Variants in CLEC16A observed in about 807,000 individuals in gnomAD.
CLEC16A encodes C-type lectin domain containing 16A, also known as protein CLEC16A.
Under a neutral mutation model 109.5 loss-of-function variants are expected in CLEC16A, and 51 were observed. That is an observed-to-expected ratio of 0.47 (90% CI 0.37 to 0.59). CLEC16A has a LOEUF of 0.59. Ranked by LOEUF, CLEC16A falls within the 20% of genes least tolerant of loss-of-function variation. The pLI is 0.00. For missense variants in CLEC16A, 1,339 were observed against 1,394.0 expected (o/e 0.96, Z 0.63); for synonymous variants, 673 against 564.2 (o/e 1.19, Z -2.73).
In CLEC16A at chr16:11,179,878, T is replaced by G. The variant is rs2068904872; in HGVS notation, c.*1188T>G. The stretch of plus-strand genomic sequence containing the variant: ...GGTTCCCTTCCCCATTCGGACTGGG[T>G]GTGTACAAGCAAGGACCCAGATGCA... On this transcript the variant is annotated 3_prime_UTR_variant, in exon 24 of 24. Transcript: ENST00000409790. The G allele has an allele frequency of 6.6e-6, 1 of 152,292 alleles. No individual in the cohort carries two copies. Among genetic ancestry groups the G allele is most frequent in the Non-Finnish European group, 1.5e-5 (1 of 68,154 alleles). The allele number at this position is 152,292 out of a possible 1,614,324, so 9.4% of individuals were successfully genotyped here.
intron 10 of CLEC16A, among the ~76,000 whole-genome samples, chr16:10,986,355 A>T (rs570393719): frequency 6.3e-4 from 94 of 149,552 alleles, no homozygotes; most frequent in East Asian, 2.0e-4. Flanking sequence ...AGAACACAAC[A>T]TGAGATCTAC....
At chr16:11,098,520 G>T (rs918843147) in intron 19 of CLEC16A, among the ~76,000 whole-genome samples, 3 of 152,204 alleles carry the variant, frequency 2.0e-5, no homozygotes, top group African/African-American at 7.2e-5. Flanking sequence ...GAGCGTGAGG[G>T]CGTTAGTGTG....
Position 10,944,810 on chromosome 16 carries a change from G to T in CLEC16A, c.80+13G>T. On this transcript the variant is annotated intron_variant, in intron 1 of 23. Transcript: ENST00000409790. ...TGGACCACCTCAAGTGAGTGTGGGG[G>T]GCGTAGCGGGAGGCCTCGGGGCTGG... is the stretch of plus-strand genomic sequence containing the variant. The T allele has an allele frequency of 6.3e-7, 1 of 1,596,564 alleles. No individual in the cohort carries two copies. The highest frequency in any genetic ancestry group is 2.3e-5 in the East Asian group (1 of 44,414).
At chr16:11,177,375 C>T (rs931555952) in intron 23 of CLEC16A, among the ~76,000 whole-genome samples, 5 of 151,972 alleles carry the variant, frequency 3.3e-5, no homozygotes, top group Admixed American at 1.3e-4. Context: ...CCGAGGCGGG[C>T]GGATCACTTG....
chr16:11,124,332 C>T (rs1330744432), intron 21 of CLEC16A, among the ~76,000 whole-genome samples: 1 of 152,188 alleles, frequency 6.6e-6, no homozygotes, highest in Non-Finnish European at 1.5e-5. Flanking sequence ...GCCCATTTTA[C>T]GGAGAAGGAA....
At chr16:11,018,748 CAAAAA>C (rs56911220) in intron 11 of CLEC16A, among the ~76,000 whole-genome samples, 10 of 96,280 alleles carry the variant, frequency 1.0e-4, no homozygotes, top group Non-Finnish European at 1.8e-4. Flanking sequence ...GACTCCATCT[CAAAAA>C]AAAAAAAAAA....
intron 7 of CLEC16A, among the ~76,000 whole-genome samples, chr16:10,973,712 G>T (rs2042902568): frequency 6.6e-6 from 1 of 151,520 alleles, no homozygotes; most frequent in Non-Finnish European, 1.5e-5. Context: ...AAGACCACCA[G>T]GCCTGTGCCA....
chr16:11,016,932 A>G (rs1026886276), intron 11 of CLEC16A, among the ~76,000 whole-genome samples: 1 of 137,950 alleles, frequency 7.2e-6, no homozygotes, highest in Non-Finnish European at 1.5e-5. Flanking sequence ...ACTTCAGATC[A>G]GATGGGAGGG....
chr16:11,166,955 A>G (rs1293423533), intron 23 of CLEC16A, among the ~76,000 whole-genome samples: 2 of 152,090 alleles, frequency 1.3e-5, no homozygotes, highest in Non-Finnish European at 2.9e-5. Flanking sequence ...CCTCTGTAAC[A>G]TACCAGTTTT....
At chr16:11,109,169 C>CT (rs35252592) in intron 19 of CLEC16A, among the ~76,000 whole-genome samples, 3,556 of 133,120 alleles carry the variant, frequency 0.027, 99 homozygotes, top group African/African-American at 0.075. Flanking sequence ...ACAGCCCTGA[C>CT]TTTTTTTTTT....
rs916680839 is a variant in CLEC16A, at chr16:11,174,604, C to T, written c.2807-3731C>T. Among the ~76,000 whole-genome samples the T allele has an allele frequency of 6.6e-6, 1 of 152,248 alleles. No individual in the cohort carries two copies. The highest frequency in any genetic ancestry group is 2.4e-5 in the African/African-American group (1 of 41,454). On this transcript the variant is annotated intron_variant, in intron 23 of 23. Transcript: ENST00000409790. This position sits in a 1 kb window ranked among gnomAD's most constrained non-coding sequence, Gnocchi z 4.7. The stretch of plus-strand genomic sequence containing the variant: ...CACCAGTGTCAGGCTCGGCCCGGGC[C>T]AGAAGCAGATGCTCCTGCCAAGTCC...
At chr16:11,102,101 C>G (rs1172421856) in intron 19 of CLEC16A, among the ~76,000 whole-genome samples, 5 of 151,850 alleles carry the variant, frequency 3.3e-5, no homozygotes, top group Non-Finnish European at 7.4e-5. Context: ...GTGTGAGCCA[C>G]CGCACCTAGT....
chr16:10,999,918 C>T (rs776712602), intron 10 of CLEC16A, among the ~76,000 whole-genome samples: 2 of 152,194 alleles, frequency 1.3e-5, no homozygotes, highest in Non-Finnish European at 2.9e-5. Flanking sequence ...TTTACTTCAA[C>T]CTCCGCCTCC....
intron 23 of CLEC16A, among the ~76,000 whole-genome samples, chr16:11,171,794 A>T (rs1033062421): frequency 6.6e-6 from 1 of 151,974 alleles, no homozygotes; most frequent in Non-Finnish European, 1.5e-5. Context: ...ACACATGCCA[A>T]TGCGCATGTT....
chr16:11,016,462 C>A (rs2045759020), intron 11 of CLEC16A, among the ~76,000 whole-genome samples: 2 of 151,832 alleles, frequency 1.3e-5, no homozygotes, highest in African/African-American at 4.8e-5. Context: ...GATTCTCATG[C>A]CTCAGCCTCC....
chr16:10,948,679 G>C (rs560422978), intron 1 of CLEC16A, among the ~76,000 whole-genome samples: 2 of 152,312 alleles, frequency 1.3e-5, no homozygotes, highest in South Asian at 2.1e-4. Flanking sequence ...CAGAAACCCA[G>C]CTAGAATTGC....
At position 11,049,308 on chromosome 16, in the gene CLEC16A, T is replaced by A. The variant is rs527435672; in HGVS notation, c.1866+1966T>A. Among the ~76,000 whole-genome samples the A allele has an allele frequency of 3.3e-3, 502 of 150,974 alleles. 1 individual carries two copies. Among genetic ancestry groups the A allele is most frequent in the African/African-American group, 0.01 (427 of 41,224 alleles). The stretch of plus-strand genomic sequence containing the variant: ...GGCGTGAGCCACCGCACCTGGCAAT[T>A]TTTTTTTTTAAATCCGTAAGGTGGG... On this transcript the variant is annotated intron_variant, in intron 17 of 23. Transcript: ENST00000409790.
chr16:11,036,780 C>A (rs2047049693), intron 13 of CLEC16A, among the ~76,000 whole-genome samples: 1 of 152,100 alleles, frequency 6.6e-6, no homozygotes, highest in African/African-American at 2.4e-5. Context: ...AACTCCTGAC[C>A]TCAGGCGATC....
chr16:11,159,722 T>C (rs1372942697), intron 22 of CLEC16A, among the ~76,000 whole-genome samples: 4 of 145,448 alleles, frequency 2.8e-5, no homozygotes, highest in Non-Finnish European at 6.1e-5. Context: ...ATCGCCTGTT[T>C]TTTTCCCTGT....
Sources: allele counts gnomAD v4.1 joint callset (sites outside exome capture counted in the v4.1 genomes callset), GRCh38; gene constraint gnomAD v4.1.1; non-coding constraint Gnocchi (gnomAD v3.1); transcripts MANE v1.5; gene names NCBI Gene and HGNC (gene_info 2026-07-23, HGNC 2026-07-21).